The following ARHGEF3 variants were observed in gnomAD, a reference collection of about 807,000 sequenced individuals.
The protein encoded by ARHGEF3 is Rho guanine nucleotide exchange factor 3.
Under a neutral mutation model 63.2 loss-of-function variants are expected in ARHGEF3, and 28 were observed. The ratio of observed to expected loss-of-function variants is 0.44; its 90% CI spans 0.33 to 0.61. The LOEUF (loss-of-function observed/expected upper bound fraction) is 0.61, where lower values mean the gene tolerates loss of function less well. ARHGEF3 is among the 20% of genes least tolerant of loss of function. The pLI, the probability that ARHGEF3 is intolerant of heterozygous loss-of-function variation, is 0.03. For missense variants in ARHGEF3, 533 were observed against 659.3 expected (o/e 0.81, Z 2.10); for synonymous variants, 266 against 254.2 (o/e 1.05, Z -0.44).
chr3:57,002,479 T>TATATATATATA (rs1285310560), intron 2 of ARHGEF3, among the ~76,000 whole-genome samples: 3 of 39,462 alleles, frequency 7.6e-5, no homozygotes, highest in African/African-American at 4.5e-4. Flanking sequence ...TATATATATG[T>TATATATATATA]TATATATATA....
intron 2 of ARHGEF3, among the ~76,000 whole-genome samples, chr3:56,970,145 C>T (rs1188893775): frequency 6.6e-6 from 1 of 152,100 alleles, no homozygotes; most frequent in Non-Finnish European, 1.5e-5. Flanking sequence ...TGTGAATGTA[C>T]TTAATGCCAT....
intron 3 of ARHGEF3, among the ~76,000 whole-genome samples, chr3:56,924,411 C>A (rs576943861): frequency 3.3e-5 from 5 of 152,240 alleles, no homozygotes; most frequent in African/African-American, 1.2e-4. Context: ...GGAAAGGGGT[C>A]CTGATCCAGA....
At chr3:57,018,711 C>T (rs1463319805) in intron 2 of ARHGEF3, among the ~76,000 whole-genome samples, 2 of 152,190 alleles carry the variant, frequency 1.3e-5, no homozygotes, top group African/African-American at 4.8e-5. Context: ...CCAAAAAAGT[C>T]ACAACCTGGC....
At chr3:56,773,964 A>G (rs1428457891) in intron 1 of ARHGEF3, 148 bp from the exon 2 acceptor site, 2 of 643,092 alleles carry the variant, frequency 3.1e-6, no homozygotes, top group East Asian at 3.6e-5. Context: ...CTCTGGCTGT[A>G]TGGAGATGAC....
intron 2 of ARHGEF3, among the ~76,000 whole-genome samples, chr3:56,773,095 T>C (rs1471441566): frequency 6.6e-6 from 1 of 152,160 alleles, no homozygotes; most frequent in African/African-American, 2.4e-5. Context: ...ATATGGTCTC[T>C]GTCACAACTA....
At chr3:57,075,732 C>G (rs1264436601) in intron 1 of ARHGEF3, among the ~76,000 whole-genome samples, 1 of 152,114 alleles carries the variant, frequency 6.6e-6, no homozygotes, top group African/African-American at 2.4e-5. Flanking sequence ...ATTGCTTGAG[C>G]CTGAGAGGCA....
Position 56,939,087 on chromosome 3 carries a change from G to A in ARHGEF3, c.129+19736C>T, listed in dbSNP as rs569464247. On this transcript the variant is annotated intron_variant, in intron 3 of 12. Coordinates refer to the ARHGEF3 transcript ENST00000338458. The stretch of plus-strand genomic sequence containing the variant: ...GGTATTCGAGCCACAATCCAATCTC[G>A]TCCAGTCTATTCAGTGGGCCACACT... Among the ~76,000 whole-genome samples the A allele has an allele frequency of 6.1e-4, 93 of 152,214 alleles. 1 individual carries two copies. Among genetic ancestry groups the A allele is most frequent in the Middle Eastern group, 6.8e-3 (2 of 294 alleles).
chr3:56,829,970 G>A (rs1395348968), intron 4 of ARHGEF3, among the ~76,000 whole-genome samples: 8 of 152,226 alleles, frequency 5.3e-5, no homozygotes, highest in Non-Finnish European at 1.0e-4. Flanking sequence ...ACTATCCGAT[G>A]ATCGTGTTAT....
In ARHGEF3 at chr3:56,728,375, G is replaced by C. The variant is rs1048605163; in HGVS notation, c.*895C>G. 1.3e-5 allele frequency: 2 copies of C among 152,600 alleles called. No homozygotes were observed. The highest frequency in any genetic ancestry group is 1.5e-5 in the Non-Finnish European group (1 of 68,048). 9.5% of individuals were successfully genotyped at this position (152,600 alleles called of 1,614,324 possible). ...CTGTGTTTCTATAAACAGTGTCATC[G>C]ATAGAGTCATGGTCTCTCTTCCTTG... On this transcript the variant is annotated 3_prime_UTR_variant, in exon 10 of 10. Transcript: ENST00000296315.
intron 4 of ARHGEF3, among the ~76,000 whole-genome samples, chr3:56,829,749 T>A (rs931869661): frequency 3.3e-5 from 5 of 152,230 alleles, no homozygotes; most frequent in African/African-American, 1.2e-4. Context: ...GGCTGTCTTG[T>A]CTCTCTGAAA....
At chr3:56,775,087 C>A in intron 1 of ARHGEF3, 2 of 1,551,216 alleles carry the variant, frequency 1.3e-6, no homozygotes, top group Non-Finnish European at 1.7e-6. Context: ...GCCAAAGTAG[C>A]CAATTGTGGT....
At chr3:57,070,984 A>AAAG (rs1307113046) in intron 1 of ARHGEF3, among the ~76,000 whole-genome samples, 3 of 147,974 alleles carry the variant, frequency 2.0e-5, no homozygotes, top group South Asian at 4.2e-4. Context: ...AAAAAAAAAA[A>AAAG]AAAGAAAGAA....
intron 3 of ARHGEF3, among the ~76,000 whole-genome samples, chr3:56,944,781 G>C (rs1305982419): frequency 6.6e-6 from 1 of 151,868 alleles, no homozygotes; most frequent in Non-Finnish European, 1.5e-5. Context: ...GTTTCACCAT[G>C]CTGGCCAGGT....
At chr3:57,042,664 A>T (rs1447778863) in intron 1 of ARHGEF3, among the ~76,000 whole-genome samples, 2 of 4,608 alleles carry the variant, frequency 4.3e-4, no homozygotes, top group East Asian at 0.014. Flanking sequence ...ATATATATAT[A>T]TATATATATA....
chr3:56,944,269 T>C (rs115682730), intron 3 of ARHGEF3, among the ~76,000 whole-genome samples: 2,993 of 152,232 alleles, frequency 0.02, 92 homozygotes, highest in African/African-American at 0.066. Flanking sequence ...CAAAGTAAAT[T>C]GAAAATCTTC....
At chr3:56,838,475 T>C (rs777604461) in intron 4 of ARHGEF3, among the ~76,000 whole-genome samples, 6 of 152,192 alleles carry the variant, frequency 3.9e-5, no homozygotes, top group Admixed American at 6.5e-5. Flanking sequence ...TAAAAAGGCT[T>C]TTTAAAAAGT....
chr3:56,882,508 CTTTTTT>C (rs397989726), intron 3 of ARHGEF3, among the ~76,000 whole-genome samples: 1 of 84,330 alleles, frequency 1.2e-5, no homozygotes, highest in Non-Finnish European at 2.2e-5. Context: ...ATGAACACTT[CTTTTTT>C]TTTTTTTTTT....
rs186321651 is a variant in ARHGEF3, at chr3:56,814,224, A to G, written c.193-40408T>C. Among the ~76,000 whole-genome samples, 89 of 152,324 alleles carry G rather than the reference A, an allele frequency of 5.8e-4. 2 individuals carry two copies. In the East Asian group the frequency reaches 9.6e-3, roughly 16 times the overall value. On this transcript the variant is annotated intron_variant, in intron 4 of 12. Coordinates refer to the ARHGEF3 transcript ENST00000338458. ...TTCCAACCCATGGCCCACAGGCTGC[A>G]TGCATCCCAGGATGGCTTTGAATGT...
chr3:56,804,369 GC>G (rs2037789277), upstream of ARHGEF3, among the ~76,000 whole-genome samples: 1 of 152,148 alleles, frequency 6.6e-6, no homozygotes, highest in African/African-American at 2.4e-5. Context: ...CGTGCTCTTT[GC>G]TTCTAGCTGA....
Sources: allele counts gnomAD v4.1 joint callset (sites outside exome capture counted in the v4.1 genomes callset), GRCh38; gene constraint gnomAD v4.1.1; transcripts MANE v1.5; gene names NCBI Gene and HGNC (gene_info 2026-07-23, HGNC 2026-07-21).